C9: variants seen among roughly 807,000 people sequenced by gnomAD.
C9 encodes the protein complement C9.
A neutral mutation model predicts 65.4 loss-of-function variants in C9; 63 were observed. The ratio of observed to expected loss-of-function variants is 0.96; its 90% CI spans 0.79 to 1.19. The LOEUF (loss-of-function observed/expected upper bound fraction) is 1.19, where lower values mean the gene tolerates loss of function less well. Ranked by LOEUF, C9 falls within the 50% of genes most tolerant of loss-of-function variation. The pLI is 0.00. For synonymous variants in C9, 229 were observed against 227.9 expected, an observed-to-expected ratio of 1.00 and a Z score of -0.04; for missense variants, 744 against 670.1, an observed-to-expected ratio of 1.11 and a Z score of -1.22.
intron 6 of C9, 139 bp from the exon 7 acceptor site, chr5:39,311,516 G>C: frequency 1.3e-6 from 1 of 749,724 alleles, no homozygotes; most frequent in East Asian, 2.6e-5. Context: ...CCACCAGAAG[G>C]GCTAAATGTA....
rs573473983 is a variant in C9 at position 39,311,973 on chromosome 5, G to A, written c.871-596C>T. 2.0e-5 allele frequency among the ~76,000 whole-genome samples: 3 copies of A among 152,210 alleles called. 1 individual carries two copies. Among genetic ancestry groups the A allele is most frequent in the South Asian group, 4.1e-4 (2 of 4,830 alleles). ...ATAATTCCATTTATATGAAGTTCTA[G>A]ACTAGGCAAAACTAAGCTGTGGTCA... On this transcript the variant is annotated intron_variant, in intron 6 of 10. Transcript: ENST00000263408.
At chr5:39,306,269 G>A (rs1384932966) in intron 9 of C9, among the ~76,000 whole-genome samples, 2 of 152,046 alleles carry the variant, frequency 1.3e-5, no homozygotes, top group South Asian at 2.1e-4. Flanking sequence ...CCGACGGGAG[G>A]GAACTAATCA....
intron 9 of C9, among the ~76,000 whole-genome samples, chr5:39,304,482 T>C (rs1753339167): frequency 6.6e-6 from 1 of 152,100 alleles, no homozygotes; most frequent in South Asian, 2.1e-4. Flanking sequence ...TAACCAGAGG[T>C]CCACTTCTAC....
At chr5:39,334,465 C>T (rs1753917279) in intron 4 of C9, among the ~76,000 whole-genome samples, 1 of 150,864 alleles carries the variant, frequency 6.6e-6, no homozygotes, top group Admixed American at 6.6e-5. Context: ...GCTGACACCC[C>T]ATCTGGGAAG....
intron 5 of C9, among the ~76,000 whole-genome samples, chr5:39,327,157 G>A (rs769163803): frequency 2.0e-5 from 3 of 152,096 alleles, no homozygotes; most frequent in Non-Finnish European, 4.4e-5. Flanking sequence ...GGGTGGAGTG[G>A]CAATCAAAAA....
rs533307198 is a variant in C9 at position 39,322,796 on chromosome 5, C to T, written c.616-6767G>A. On this transcript the variant is annotated intron_variant, in intron 5 of 10. Coordinates refer to ENST00000263408, the MANE Select transcript of C9 (RefSeq NM_001737.5). ...CCTTGTCATTATCTTCTAAACATTACAGTATAACAACTATATAAATAGCAC... is the reference window on the plus strand; with the variant it reads ...CCTTGTCATTATCTTCTAAACATTATAGTATAACAACTATATAAATAGCAC... 4.6e-5 allele frequency among the ~76,000 whole-genome samples: 7 copies of T among 152,186 alleles called. No individual in the cohort carries two copies. The East Asian group carries it at 1.2e-3, about 25-fold the overall frequency.
chr5:39,316,670 C>T (rs563522146), intron 5 of C9, among the ~76,000 whole-genome samples: 13 of 152,336 alleles, frequency 8.5e-5, no homozygotes, highest in South Asian at 2.1e-4. Context: ...CTGCAAAGGA[C>T]GTGATCTTGT....
intron 9 of C9, among the ~76,000 whole-genome samples, chr5:39,295,052 A>G (rs568528110): frequency 4.1e-4 from 62 of 151,722 alleles, no homozygotes; most frequent in Non-Finnish European, 8.3e-4. Flanking sequence ...GGTATAGAAT[A>G]AAAGTAATTA....
At chr5:39,305,885 G>A (rs1311510215) in intron 9 of C9, among the ~76,000 whole-genome samples, 1 of 152,096 alleles carries the variant, frequency 6.6e-6, no homozygotes, top group Non-Finnish European at 1.5e-5. Flanking sequence ...CTTAGGCCAG[G>A]CATGGGGGCT....
chr5:39,362,703 G>T (rs1754542616), intron 1 of C9, among the ~76,000 whole-genome samples: 1 of 152,222 alleles, frequency 6.6e-6, no homozygotes, highest in Non-Finnish European at 1.5e-5. Flanking sequence ...AGCCTGGGAA[G>T]TCTAGCTTCA....
At chr5:39,311,511 A>G (rs1269222015) in intron 6 of C9, 134 bp from the exon 7 acceptor site, 2 of 769,974 alleles carry the variant, frequency 2.6e-6, no homozygotes. Context: ...CTAATCCACC[A>G]GAAGGGCTAA....
intron 5 of C9, among the ~76,000 whole-genome samples, chr5:39,329,191 AC>A (rs1391547766): frequency 2.6e-5 from 4 of 152,196 alleles, no homozygotes; most frequent in Non-Finnish European, 4.4e-5. Context: ...TTTTACTTCT[AC>A]AGTTGTTCTT....
rs763361908 is a variant in C9 at position 39,331,751 on chromosome 5, G to C, written c.540C>G (p.Leu180=). 6.2e-7 allele frequency: 1 copy of C among 1,613,016 alleles called. No homozygotes were observed. Among genetic ancestry groups the C allele is most frequent in the East Asian group, 2.2e-5 (1 of 44,872 alleles). ...TPFDNEFYNG[L]CNRDRDGNTL... is the part of the protein sequence containing the mutation. ...TGTTTCCATCCCGATCCCGGTTACAGAGTCCATTGTAGAACTCATTGTCAA... is the reference window on the plus strand; with the variant it reads ...TGTTTCCATCCCGATCCCGGTTACACAGTCCATTGTAGAACTCATTGTCAA... The change falls in exon 5 of 11, where the codon CTC becomes CTG. Residue 180 remains leucine, a synonymous_variant. Transcript: ENST00000263408.
At chr5:39,309,705 G>T (rs998892299) in intron 7 of C9, among the ~76,000 whole-genome samples, 1 of 152,112 alleles carries the variant, frequency 6.6e-6, no homozygotes, top group Non-Finnish European at 1.5e-5. Context: ...GACATGGCTT[G>T]GTTCTCAGAT....
chr5:39,304,338 G>A (rs1753337505), intron 9 of C9, among the ~76,000 whole-genome samples: 1 of 152,048 alleles, frequency 6.6e-6, no homozygotes, highest in Admixed American at 6.6e-5. Context: ...GGTGGGGAGA[G>A]GTTCTAGTAA....
At chr5:39,333,615 A>G (rs1561347156) in intron 4 of C9, among the ~76,000 whole-genome samples, 1 of 107,964 alleles carries the variant, frequency 9.3e-6, no homozygotes, top group Non-Finnish European at 2.0e-5. Flanking sequence ...TCCCCTTTCC[A>G]TGGTCTCCCC....
At chr5:39,304,830 T>C (rs1753345025) in intron 9 of C9, among the ~76,000 whole-genome samples, 1 of 152,182 alleles carries the variant, frequency 6.6e-6, no homozygotes, top group African/African-American at 2.4e-5. Flanking sequence ...ATATTGTGCA[T>C]CCATACAGCA....
intron 8 of C9, 95 bp downstream of exon 8, chr5:39,308,135 G>A (rs1051010261): frequency 7.0e-6 from 8 of 1,141,622 alleles, no homozygotes; most frequent in Middle Eastern, 1.9e-4. Context: ...AGCACAAAGA[G>A]GACAGACAAT....
intron 4 of C9, 99 bp downstream of exon 4, chr5:39,341,047 T>G (rs1169854454): frequency 2.4e-5 from 31 of 1,300,906 alleles, no homozygotes; most frequent in Non-Finnish European, 3.4e-5. Context: ...GTATCACCTA[T>G]GTCCCTCGCA....
Sources: gnomAD v4.1 joint callset for allele counts (sites outside exome capture counted in the v4.1 genomes callset) on GRCh38, gnomAD v4.1.1 for gene constraint, MANE v1.5 for transcripts, NCBI Gene and HGNC (gene_info 2026-07-23, HGNC 2026-07-21) for gene names.